The following CNTN4 variants were observed in gnomAD, a reference collection of about 807,000 sequenced individuals.
CNTN4 encodes the protein contactin 4.
A neutral mutation model predicts 122.5 loss-of-function variants in CNTN4; 77 were observed. The observed-to-expected ratio is 0.63, with a 90% CI of 0.52 to 0.76. The LOEUF (loss-of-function observed/expected upper bound fraction) is 0.76. Among genes scored for constraint, CNTN4 ranks in the 30% least tolerant of loss-of-function variants. CNTN4 has a pLI of 0.00. For missense variants in CNTN4, 1,256 were observed against 1,259.1 expected (o/e 1.00, Z 0.04); for synonymous variants, 512 against 447.0 (o/e 1.15, Z -1.83).
chr3:2,720,663 G>C (rs908625331), intron 4 of CNTN4, among the ~76,000 whole-genome samples: 2 of 152,254 alleles, frequency 1.3e-5, no homozygotes, highest in African/African-American at 2.4e-5. Context: ...ACAGAAACAA[G>C]GGTGCATTCT....
intron 2 of CNTN4, among the ~76,000 whole-genome samples, chr3:2,247,752 C>A (rs540536891): frequency 1.3e-5 from 2 of 152,002 alleles, no homozygotes; most frequent in African/African-American, 4.8e-5. Flanking sequence ...TTTTGGGGAA[C>A]AAATAGCAAC....
intron 3 of CNTN4, among the ~76,000 whole-genome samples, chr3:2,400,069 T>G (rs1378745588): frequency 6.6e-6 from 1 of 151,892 alleles, no homozygotes; most frequent in African/African-American, 2.4e-5. Flanking sequence ...CCAGGAAATA[T>G]TTATGTAAGT....
At chr3:2,468,439 A>G (rs996934133) in intron 3 of CNTN4, among the ~76,000 whole-genome samples, 12 of 152,316 alleles carry the variant, frequency 7.9e-5, no homozygotes, top group Admixed American at 2.6e-4. Flanking sequence ...AGATAAGCAG[A>G]TTGTTAGAAC....
At chr3:2,629,364 G>C (rs993695965) in intron 4 of CNTN4, among the ~76,000 whole-genome samples, 2 of 152,194 alleles carry the variant, frequency 1.3e-5, no homozygotes, top group African/African-American at 4.8e-5. Flanking sequence ...CCACTAGCTG[G>C]AATTGTGTCA....
At chr3:2,510,622 C>G (rs2076859243) in intron 3 of CNTN4, among the ~76,000 whole-genome samples, 1 of 152,128 alleles carries the variant, frequency 6.6e-6, no homozygotes, top group African/African-American at 2.4e-5. Context: ...ACTTGCTTAA[C>G]TAAGGTCAAA....
intron 2 of CNTN4, among the ~76,000 whole-genome samples, chr3:2,176,909 T>G (rs1317108517): frequency 1.3e-5 from 2 of 152,144 alleles, no homozygotes; most frequent in African/African-American, 4.8e-5. Flanking sequence ...AACTTTCCTG[T>G]CAAATGGAAG....
intron 7 of CNTN4, among the ~76,000 whole-genome samples, chr3:2,847,624 C>T (rs1187245261): frequency 2.0e-5 from 3 of 152,210 alleles, no homozygotes; most frequent in African/African-American, 7.2e-5. Context: ...TTGTGGTTTA[C>T]TGCCTGCTGT....
chr3:2,909,799 C>A (rs1411043227), intron 12 of CNTN4, among the ~76,000 whole-genome samples: 1 of 152,176 alleles, frequency 6.6e-6, no homozygotes, highest in Non-Finnish European at 1.5e-5. Flanking sequence ...CTGAGAATTT[C>A]TGATATAGTA....
intron 4 of CNTN4, among the ~76,000 whole-genome samples, chr3:2,711,669 C>T (rs1366720237): frequency 6.6e-6 from 1 of 152,168 alleles, no homozygotes; most frequent in Non-Finnish European, 1.5e-5. Flanking sequence ...AGGAGAATTA[C>T]TCATTTAGTA....
Position 2,841,522 on chromosome 3 carries a change from A to G in CNTN4, c.454+21941A>G, listed in dbSNP as rs1027262183. Among the ~76,000 whole-genome samples the G allele has an allele frequency of 1.3e-5, 2 of 152,234 alleles. No homozygotes were observed. Among genetic ancestry groups the G allele is most frequent in the Admixed American group, 6.5e-5 (1 of 15,284 alleles). ...TCAAGGGTTCCATTTGTAGCCATCA[A>G]TAAAGAGATTAATTTATTATTCCCA... On this transcript the variant is annotated intron_variant, in intron 7 of 24. Coordinates refer to ENST00000418658, the MANE Select transcript of CNTN4 (RefSeq NM_175607.3). This position sits in a 1 kb window ranked among gnomAD's most constrained non-coding sequence, Gnocchi z 4.8.
intron 2 of CNTN4, among the ~76,000 whole-genome samples, chr3:2,315,445 A>T (rs564059644): frequency 1.5e-4 from 23 of 152,134 alleles, no homozygotes; most frequent in African/African-American, 4.3e-4. Context: ...AAAACAGTGG[A>T]TATCCAGCTT....
chr3:2,747,148 G>T (rs921553220), intron 6 of CNTN4, among the ~76,000 whole-genome samples: 1 of 151,570 alleles, frequency 6.6e-6, no homozygotes. Context: ...GGTGGCTCAC[G>T]CCTGTAATCC....
chr3:2,228,116 A>AT (rs1007562446), intron 2 of CNTN4, among the ~76,000 whole-genome samples: 14 of 151,852 alleles, frequency 9.2e-5, no homozygotes, highest in African/African-American at 1.5e-4. Flanking sequence ...GTTACAAGTG[A>AT]TTTTTTTTCA....
At chr3:2,840,466 C>T (rs991039422) in intron 7 of CNTN4, among the ~76,000 whole-genome samples, 158 of 147,136 alleles carry the variant, frequency 1.1e-3, no homozygotes, top group South Asian at 6.6e-4. Context: ...TTTGGGAGGC[C>T]GAGGCGGGCG....
Position 3,057,717 on chromosome 3 carries a change from A to G in CNTN4, c.*1497A>G, listed in dbSNP as rs1291233188. The G allele has an allele frequency of 6.6e-6, 1 of 152,626 alleles. No individual in the cohort carries two copies. Among genetic ancestry groups the G allele is most frequent in the Non-Finnish European group, 1.5e-5 (1 of 68,034 alleles). 9.5% of individuals were successfully genotyped at this position (152,626 alleles called of 1,614,324 possible). A position where few individuals can be genotyped will look rare whatever the true frequency, so the allele number is the denominator to read the frequency against. ...CCATTTGTGTAAAAACTAGGGTGGTAACCGGAAAAAAATATTGTCAGTATT... is the reference window on the plus strand; with the variant it reads ...CCATTTGTGTAAAAACTAGGGTGGTGACCGGAAAAAAATATTGTCAGTATT... On this transcript the variant is annotated 3_prime_UTR_variant, in exon 25 of 25. Coordinates refer to ENST00000418658, the MANE Select transcript of CNTN4 (RefSeq NM_175607.3).
intron 3 of CNTN4, among the ~76,000 whole-genome samples, chr3:2,356,675 G>A (rs1390154876): frequency 6.6e-6 from 1 of 152,092 alleles, no homozygotes; most frequent in Non-Finnish European, 1.5e-5. Flanking sequence ...AACCTCCTGG[G>A]AATGCAGCCC....
In CNTN4 at chr3:2,467,849, A is replaced by T. The variant is rs1483350663; in HGVS notation, c.-88-103567A>T. 2.0e-5 allele frequency among the ~76,000 whole-genome samples: 3 copies of T among 152,162 alleles called. No homozygotes were observed. In the East Asian group the frequency reaches 5.8e-4, roughly 29 times the overall value. On this transcript the variant is annotated intron_variant, in intron 3 of 24. Coordinates refer to ENST00000418658, the MANE Select transcript of CNTN4 (RefSeq NM_175607.3). ...GCAGAGACTATTCCTGCTAATGCGA[A>T]TTCCACCTTTCTTTTGCCATTCATG...
chr3:2,676,621 A>G (rs2084859617), intron 4 of CNTN4, among the ~76,000 whole-genome samples: 1 of 152,210 alleles, frequency 6.6e-6, no homozygotes, highest in African/African-American at 2.4e-5. Flanking sequence ...TGATGAATGG[A>G]TGAGCAAGAG....
chr3:2,958,277 C>T (rs571725187), intron 13 of CNTN4, among the ~76,000 whole-genome samples: 2 of 152,126 alleles, frequency 1.3e-5, no homozygotes, highest in Admixed American at 6.5e-5. Context: ...TCATATGGTA[C>T]ATTAATAAGT....
Sources: allele counts gnomAD v4.1 joint callset (sites outside exome capture counted in the v4.1 genomes callset), GRCh38; gene constraint gnomAD v4.1.1; non-coding constraint Gnocchi (gnomAD v3.1); transcripts MANE v1.5; gene names NCBI Gene and HGNC (gene_info 2026-07-23, HGNC 2026-07-21).